Variants in IGFBP7 observed in about 807,000 individuals in gnomAD.
IGFBP7 encodes the protein insulin like growth factor binding protein 7, also known as insulin-like growth factor-binding protein 7.
IGFBP7 carries 31 observed loss-of-function variants against 29.4 expected under a neutral mutation model. That is an observed-to-expected ratio of 1.05 (90% confidence interval 0.79 to 1.42). The LOEUF is 1.42. Among genes scored for constraint, IGFBP7 ranks in the 40% most tolerant of loss-of-function variants. The pLI is 0.00. For synonymous variants in IGFBP7, 172 were observed against 174.9 expected (o/e 0.98, Z 0.13); for missense variants, 393 against 395.5 (o/e 0.99, Z 0.05).
At chr4:57,089,144 T>C (rs1310590585) in intron 1 of IGFBP7, among the ~76,000 whole-genome samples, 1 of 151,680 alleles carries the variant, frequency 6.6e-6, no homozygotes, top group Admixed American at 6.6e-5. Context: ...TTAATCTCCA[T>C]AACATGTATG....
chr4:57,098,472 G>A (rs1725814854), intron 1 of IGFBP7, among the ~76,000 whole-genome samples: 1 of 152,106 alleles, frequency 6.6e-6, no homozygotes, highest in Non-Finnish European at 1.5e-5. Context: ...GGCCTGCCCT[G>A]CCCTGCCAGT....
Position 57,110,302 on chromosome 4 carries a change from A to G in IGFBP7, c.50T>C (p.Leu17Pro). ...AGAGGAGAGGGGCAGGAGCAGGAGC[A>G]GCAGCCCAGCGGCGCCGAGGAGCAG... ...RALLLGAAGL[L>P]LLLLPLSSSS... is the part of the protein sequence containing the mutation. The change falls in exon 1 of 5, where the codon CTG becomes CCG. Residue 17 changes from leucine to proline, a missense_variant. Coordinates refer to ENST00000295666, the MANE Select transcript of IGFBP7 (RefSeq NM_001553.3). 3 of 1,423,126 alleles carry G rather than the reference A, an allele frequency of 2.1e-6. No homozygotes were observed. The highest frequency in any genetic ancestry group is 2.8e-6 in the Non-Finnish European group (3 of 1,088,632). The allele number at this position is 1,423,126 out of a possible 1,614,324, so 88.2% of individuals were successfully genotyped here. A position where few individuals can be genotyped will look rare whatever the true frequency, so the allele number is the denominator to read the frequency against.
chr4:57,068,648 G>T (rs970890767), intron 1 of IGFBP7, among the ~76,000 whole-genome samples: 2 of 152,132 alleles, frequency 1.3e-5, no homozygotes, highest in Admixed American at 1.3e-4. Context: ...AATATCAAAA[G>T]ATGGGAACTG....
At chr4:57,046,151 T>G (rs1047755330) in intron 1 of IGFBP7, among the ~76,000 whole-genome samples, 1 of 152,124 alleles carries the variant, frequency 6.6e-6, no homozygotes, top group Non-Finnish European at 1.5e-5. Context: ...AAGTCTTGTA[T>G]AGAAGAGAAG....
intron 1 of IGFBP7, among the ~76,000 whole-genome samples, chr4:57,071,536 G>C (rs1162110388): frequency 6.6e-6 from 1 of 152,196 alleles, no homozygotes; most frequent in Non-Finnish European, 1.5e-5. Flanking sequence ...ACACACACAA[G>C]GAAATTGGGT....
chr4:57,087,045 T>C (rs2899085), intron 1 of IGFBP7, among the ~76,000 whole-genome samples: 140,269 of 151,708 alleles, frequency 0.92, 64,771 homozygotes, highest in Middle Eastern at 0.98. Context: ...AGTGGCTCAG[T>C]TATTATGAGG....
chr4:57,093,826 C>G (rs1725693959), intron 1 of IGFBP7, among the ~76,000 whole-genome samples: 1 of 152,162 alleles, frequency 6.6e-6, no homozygotes, highest in Non-Finnish European at 1.5e-5. Context: ...ATAACTAATT[C>G]ATTTATGTAC....
chr4:57,093,550 A>G (rs994980466), intron 1 of IGFBP7, among the ~76,000 whole-genome samples: 16 of 152,148 alleles, frequency 1.1e-4, no homozygotes, highest in African/African-American at 3.9e-4. Flanking sequence ...CCAAAAAGTG[A>G]AACTTCTGAC....
In IGFBP7 at chr4:57,110,292, G is replaced by C; in HGVS notation, c.60C>G (p.Leu20=). The C allele has an allele frequency of 7.0e-7, 1 of 1,426,104 alleles. No individual in the cohort carries two copies. Among genetic ancestry groups the C allele is most frequent in the Non-Finnish European group, 9.2e-7 (1 of 1,090,324 alleles). The allele number at this position is 1,426,104 out of a possible 1,614,324, so 88.3% of individuals were successfully genotyped here. Residue 20 remains leucine, a synonymous_variant, in exon 1 of 5, where the codon CTC becomes CTG. Transcript: ENST00000295666. ...AAGAGGAGGAAGAGGAGAGGGGCAG[G>C]AGCAGGAGCAGCAGCCCAGCGGCGC... ...LLGAAGLLLL[L]LPLSSSSSSD...
chr4:57,057,146 C>A (rs1724694027), intron 1 of IGFBP7, among the ~76,000 whole-genome samples: 1 of 152,196 alleles, frequency 6.6e-6, no homozygotes, highest in Admixed American at 6.5e-5. Flanking sequence ...GCTGGGACTA[C>A]AGGCACATAC....
intron 1 of IGFBP7, among the ~76,000 whole-genome samples, chr4:57,097,445 G>A (rs4865182): frequency 0.3 from 45,012 of 152,016 alleles, 8,282 homozygotes; most frequent in East Asian, 0.55. Flanking sequence ...TTTTGTTTAC[G>A]CAGGTCTGAA....
At chr4:57,098,090 A>T (rs1725804475) in intron 1 of IGFBP7, among the ~76,000 whole-genome samples, 1 of 152,216 alleles carries the variant, frequency 6.6e-6, no homozygotes, top group Non-Finnish European at 1.5e-5. Context: ...AGGGCTGACC[A>T]TCTCTCCTGG....
intron 1 of IGFBP7, among the ~76,000 whole-genome samples, chr4:57,078,945 G>C (rs568857323): frequency 6.6e-6 from 1 of 152,170 alleles, no homozygotes; most frequent in South Asian, 2.1e-4. Flanking sequence ...GCTGGCTCCC[G>C]TCCACAGGGC....
chr4:57,049,787 T>C (rs1259917016), intron 1 of IGFBP7, among the ~76,000 whole-genome samples: 1 of 152,088 alleles, frequency 6.6e-6, no homozygotes, highest in African/African-American at 2.4e-5. Flanking sequence ...TTCATGTTCA[T>C]TGGAAGGAGA....
chr4:57,060,697 C>A (rs1004171480), intron 1 of IGFBP7, among the ~76,000 whole-genome samples: 1 of 152,128 alleles, frequency 6.6e-6, no homozygotes, highest in African/African-American at 2.4e-5. Flanking sequence ...ATCACTTGAG[C>A]CCAGGAGTTT....
chr4:57,054,442 G>A (rs1724590892), intron 1 of IGFBP7, among the ~76,000 whole-genome samples: 1 of 151,958 alleles, frequency 6.6e-6, no homozygotes, highest in East Asian at 1.9e-4. Flanking sequence ...AGACCATCCT[G>A]GCTAACATGG....
chr4:57,047,420 G>T (rs565711677), intron 1 of IGFBP7, among the ~76,000 whole-genome samples: 1 of 152,180 alleles, frequency 6.6e-6, no homozygotes, highest in African/African-American at 2.4e-5. Flanking sequence ...GTATTTATTA[G>T]CAGCATAAGA....
chr4:57,044,118 A>T (rs1724299881), intron 1 of IGFBP7, among the ~76,000 whole-genome samples: 1 of 152,170 alleles, frequency 6.6e-6, no homozygotes, highest in Non-Finnish European at 1.5e-5. Context: ...CAAACCACAC[A>T]AGGAATGCAA....
chr4:57,107,376 A>G (rs2109809617), intron 1 of IGFBP7, among the ~76,000 whole-genome samples: 1 of 152,320 alleles, frequency 6.6e-6, no homozygotes, highest in East Asian at 1.9e-4. Flanking sequence ...CTGAGAATAG[A>G]AGGGAACCTA....
Sources: allele counts gnomAD v4.1 joint callset (sites outside exome capture counted in the v4.1 genomes callset), GRCh38; gene constraint gnomAD v4.1.1; transcripts MANE v1.5; gene names NCBI Gene and HGNC (gene_info 2026-07-23, HGNC 2026-07-21).